EI24: variants seen among roughly 807,000 people sequenced by gnomAD.
EI24 encodes the protein etoposide-induced protein 2.4 homolog.
Under a neutral mutation model 48.6 loss-of-function variants are expected in EI24, and 21 were observed. The observed-to-expected ratio is 0.43, with a 90% CI of 0.31 to 0.62. The LOEUF is 0.62. Ranked by LOEUF, EI24 falls within the 20% of genes least tolerant of loss-of-function variation. The pLI is 0.10. For missense variants in EI24, 280 were observed against 410.5 expected, an observed-to-expected ratio of 0.68 and a Z score of 2.75; for synonymous variants, 114 against 145.5, an observed-to-expected ratio of 0.78 and a Z score of 1.56.
chr11:125,581,173 A>G (rs746858326), intron 8 of EI24, 38 bp from the exon 9 acceptor site: 88 of 1,435,040 alleles, frequency 6.1e-5, no homozygotes, highest in Non-Finnish European at 8.2e-5. Context: ...GACTAAAAGG[A>G]AATATAATAT....
chr11:125,573,322 T>G (rs1022607371), intron 2 of EI24: 1 of 161,918 alleles, frequency 6.2e-6, no homozygotes, highest in Non-Finnish European at 1.4e-5. Flanking sequence ...CACAAAAGTC[T>G]GCTACTTTTA....
chr11:125,583,649 C>T lies in EI24; in HGVS notation c.989C>T (p.Ser330Leu), dbSNP rs1295372984. The change falls in exon 11 of 11, where the codon TCG becomes TTG. Residue 330 changes from serine (S) to leucine (L), a missense_variant. Physicochemically the swap from Ser to Leu is moderately radical, Grantham distance 145. This residue lies in a region of EI24 where 62 missense variants were observed against 65.1 expected (regional missense o/e 0.95). Coordinates refer to ENST00000278903, the MANE Select transcript of EI24 (RefSeq NM_004879.5). ...GAGAAGTTCCCTTCACCGCATCCGT[C>T]GCCTGCCAAACTGAAGGCTACTGCA... ...SAEKFPSPHPSPAKLKATAGH is the reference protein window; with the variant it reads ...SAEKFPSPHPLPAKLKATAGH 10 of 1,613,284 alleles carry T rather than the reference C, an allele frequency of 6.2e-6. No individual in the cohort carries two copies. The highest frequency in any genetic ancestry group is 1.6e-4 in the Middle Eastern group (1 of 6,064).
chr11:125,577,844 A>T (rs1340914301), intron 5 of EI24: 1 of 566,078 alleles, frequency 1.8e-6, no homozygotes, highest in Non-Finnish European at 3.1e-6. Flanking sequence ...TTAAACCCAG[A>T]TGGTATCCTG....
chr11:125,579,690 CAG>C (rs942260098), intron 7 of EI24, among the ~76,000 whole-genome samples: 2 of 152,106 alleles, frequency 1.3e-5, no homozygotes. Context: ...AAATAAAAGA[CAG>C]GGTCTTATTT....
At chr11:125,581,745 C>T (rs534506876) in intron 9 of EI24, among the ~76,000 whole-genome samples, 1 of 151,420 alleles carries the variant, frequency 6.6e-6, no homozygotes, top group African/African-American at 2.4e-5. Flanking sequence ...TGGGGTTTCA[C>T]TATGTTGGCC....
intron 4 of EI24, 78 bp from the exon 5 acceptor site, chr11:125,577,426 A>G: frequency 7.1e-7 from 1 of 1,409,854 alleles, no homozygotes; most frequent in Non-Finnish European, 9.9e-7. Context: ...CCCATCTATA[A>G]AATCATTACA....
rs994310891 is a variant in EI24 at position 125,584,200 on chromosome 11, G to C, written c.*517G>C. 8.6e-6 allele frequency: 1 copy of C among 116,624 alleles called. No individual in the cohort carries two copies. Among genetic ancestry groups the C allele is most frequent in the Non-Finnish European group, 1.6e-5 (1 of 61,702 alleles). 7.2% of individuals were successfully genotyped at this position (116,624 alleles called of 1,614,324 possible). The stretch of plus-strand genomic sequence containing the variant: ...TACTGTCTTGTTTCTTGTAACTCAG[G>C]TTAGGTTTTGGTCTCTCTTGCTCCA... On this transcript the variant is annotated 3_prime_UTR_variant, in exon 11 of 11. Coordinates refer to ENST00000278903, the MANE Select transcript of EI24 (RefSeq NM_004879.5).
chr11:125,582,129 C>T (rs1458530864), intron 9 of EI24, among the ~76,000 whole-genome samples: 7 of 151,556 alleles, frequency 4.6e-5, no homozygotes, highest in African/African-American at 1.7e-4. Flanking sequence ...ACACAGGAGG[C>T]GGAGGTTGCG....
At chr11:125,583,400 G>C in intron 10 of EI24, 121 bp from the exon 11 acceptor site, 1 of 833,486 alleles carries the variant, frequency 1.2e-6, no homozygotes, top group African/African-American at 1.7e-5. Context: ...GTATTTCCTT[G>C]ATCAAGTTTC....
chr11:125,571,127 G>A (rs1299315512), intron 1 of EI24, among the ~76,000 whole-genome samples: 1 of 152,168 alleles, frequency 6.6e-6, no homozygotes, highest in African/African-American at 2.4e-5. Flanking sequence ...AGTCCAGTTG[G>A]GTCAATGAGG....
At chr11:125,578,043 G>C (rs975814472) in intron 5 of EI24, 90 bp from the exon 6 acceptor site, 2 of 1,494,280 alleles carry the variant, frequency 1.3e-6, no homozygotes, top group Admixed American at 1.8e-5. Context: ...TCCAGGAGGA[G>C]ACAGAGAATA....
At chr11:125,576,399 C>T in intron 4 of EI24, 84 bp downstream of exon 4, 1 of 1,226,098 alleles carries the variant, frequency 8.2e-7, no homozygotes, top group Non-Finnish European at 1.2e-6. Flanking sequence ...TCTTGAAACA[C>T]TGAGACAAAT....
chr11:125,581,834 AC>A (rs1254125086), intron 9 of EI24, among the ~76,000 whole-genome samples: 2 of 151,954 alleles, frequency 1.3e-5, no homozygotes, highest in Admixed American at 6.6e-5. Flanking sequence ...GACATGAGCT[AC>A]CATGCCCAGC....
intron 2 of EI24, among the ~76,000 whole-genome samples, chr11:125,572,781 G>A (rs511950): frequency 0.17 from 26,285 of 151,060 alleles, 2,480 homozygotes; most frequent in Middle Eastern, 0.28. Context: ...AGACCTCTTC[G>A]GTGGATGTCT....
At chr11:125,571,414 GTTC>G in intron 1 of EI24, among the ~76,000 whole-genome samples, 1 of 152,292 alleles carries the variant, frequency 6.6e-6, no homozygotes, top group South Asian at 2.1e-4. Flanking sequence ...GAACTCTCAA[GTTC>G]TTAATTTTTG....
chr11:125,580,028 T>C, intron 7 of EI24, 65 bp from the exon 8 acceptor site: 1 of 1,255,794 alleles, frequency 8.0e-7, no homozygotes, highest in Non-Finnish European at 1.2e-6. Context: ...GATTGGAGAG[T>C]GACAGGTGAA....
At position 125,584,537 on chromosome 11, in the gene EI24, T is replaced by C. The variant is rs1939157499; in HGVS notation, c.*854T>C. The C allele has an allele frequency of 2.0e-5, 3 of 152,658 alleles. No homozygotes were observed. Among genetic ancestry groups the C allele is most frequent in the Admixed American group, 1.3e-4 (2 of 15,284 alleles). The allele number at this position is 152,658 out of a possible 1,614,324, so 9.5% of individuals were successfully genotyped here. On this transcript the variant is annotated 3_prime_UTR_variant, in exon 11 of 11. Coordinates refer to ENST00000278903, the MANE Select transcript of EI24 (RefSeq NM_004879.5). ...CATATTTCAAAGGAATATTGGGTGC[T>C]GCATATAGGAACTGAAGGGGTCAAT...
Position 125,578,183 on chromosome 11 carries a change from A to G in EI24, c.367A>G (p.Thr123Ala). Residue 123 changes from threonine to alanine, a missense_variant, in exon 6 of 11, where the codon ACG becomes GCG. This residue lies in a region of EI24 where 204 missense variants were observed against 294.1 expected (regional missense o/e 0.69). Transcript: ENST00000278903. ...TTGGTCGTGGCTGGAATTCTTCCTC[A>G]CGTCAATTTTCAGTGCTCTTTGGGT... The part of the protein sequence containing the change: ...DVWSWLEFFL[T>A]SIFSALWVLP... 1 of 1,613,780 alleles carries G rather than the reference A, an allele frequency of 6.2e-7. No individual in the cohort carries two copies. Among genetic ancestry groups the G allele is most frequent in the Middle Eastern group, 1.7e-4 (1 of 6,012 alleles).
intron 2 of EI24, among the ~76,000 whole-genome samples, chr11:125,573,829 A>ACAC (rs1938628620): frequency 6.6e-6 from 1 of 151,260 alleles, no homozygotes; most frequent in African/African-American, 2.4e-5. Context: ...TTACAAGCAC[A>ACAC]CACCACCACG....
Sources: allele counts gnomAD v4.1 joint callset (sites outside exome capture counted in the v4.1 genomes callset), GRCh38; gene constraint gnomAD v4.1.1; regional missense constraint gnomAD v4.1.1; transcripts MANE v1.5; gene names NCBI Gene and HGNC (gene_info 2026-07-23, HGNC 2026-07-21).